Variants in PPP1R37 observed in about 807,000 individuals in gnomAD.
PPP1R37 encodes leucine rich repeat containing 68.
In PPP1R37, 21 loss-of-function variants were observed where a neutral mutation model predicts 61.0. The ratio of observed to expected loss-of-function variants is 0.34; its 90% CI spans 0.24 to 0.50. The LOEUF is 0.50. Among genes scored for constraint, PPP1R37 ranks in the 20% least tolerant of loss-of-function variants. The pLI, the probability that PPP1R37 is intolerant of heterozygous loss-of-function variation, is 0.98. For missense variants in PPP1R37, 910 were observed against 952.7 expected (o/e 0.96, Z 0.59); for synonymous variants, 443 against 433.5 (o/e 1.02, Z -0.27).
chr19:45,139,347 T>C (rs1256129622), intron 2 of PPP1R37, among the ~76,000 whole-genome samples: 1 of 152,214 alleles, frequency 6.6e-6, no homozygotes, highest in African/African-American at 2.4e-5. Flanking sequence ...GGAACCCCCG[T>C]TGTTGGCCAC....
At chr19:45,134,112 T>C (rs1196474048) in intron 1 of PPP1R37, among the ~76,000 whole-genome samples, 1 of 152,334 alleles carries the variant, frequency 6.6e-6, no homozygotes, top group South Asian at 2.1e-4. Context: ...CTGCTCTCCC[T>C]GCAACTTTGG....
In PPP1R37 at chr19:45,145,833, C is replaced by G. The variant is rs1422080727; in HGVS notation, c.1777C>G (p.Pro593Ala). The change falls in exon 11 of 13, where the codon CCA (proline) becomes GCA (alanine). Residue 593 changes from proline (P) to alanine (A), a missense_variant. Pro to Ala is a conservative substitution (Grantham distance 27). This residue lies in a region of PPP1R37 where 549 missense variants were observed against 505.1 expected (regional missense o/e 1.09). Transcript: ENST00000221462. ...PPASPTPPSPPPPPSPPASPS... is the reference protein window; with the variant it reads ...PPASPTPPSPAPPPSPPASPS... Reference sequence around the variant, plus strand: ...TGCGTCCCCCACCCCTCCCTCTCCCCCACCCCCTCCCTCCCCACCCGCCTC... The same window carrying G: ...TGCGTCCCCCACCCCTCCCTCTCCCGCACCCCCTCCCTCCCCACCCGCCTC... The G allele has an allele frequency of 1.6e-6, 2 of 1,237,866 alleles. No homozygotes were observed. The highest frequency in any genetic ancestry group is 5.1e-5 in the East Asian group (2 of 39,202). 76.7% of individuals were successfully genotyped at this position (1,237,866 alleles called of 1,614,324 possible).
At chr19:45,132,039 A>T (rs968351433) in intron 1 of PPP1R37, among the ~76,000 whole-genome samples, 1 of 152,190 alleles carries the variant, frequency 6.6e-6, no homozygotes, top group Admixed American at 6.5e-5. Context: ...ATCCATCCCC[A>T]ACACATGCCT....
chr19:45,111,845 G>A (rs1968205132), intron 1 of PPP1R37, among the ~76,000 whole-genome samples: 1 of 152,220 alleles, frequency 6.6e-6, no homozygotes, highest in African/African-American at 2.4e-5. Flanking sequence ...TCATCAGGTG[G>A]CCTTTTTAAA....
rs1338352761 is a variant in PPP1R37, at chr19:45,130,954, T to C, written c.203-7560T>C. ...CCCCAGCCCGCACAGTGTTGCTTCCTGGTGTTTTGACTCCCACTTGGATGA... is the reference window on the plus strand; with the variant it reads ...CCCCAGCCCGCACAGTGTTGCTTCCCGGTGTTTTGACTCCCACTTGGATGA... On this transcript the variant is annotated intron_variant, in intron 1 of 12. Transcript: ENST00000221462. This position sits in a 1 kb window ranked among gnomAD's most constrained non-coding sequence, Gnocchi z 4.4. Among the ~76,000 whole-genome samples, 2 of 152,088 alleles carry C rather than the reference T, an allele frequency of 1.3e-5. No individual in the cohort carries two copies. Among genetic ancestry groups the C allele is most frequent in the Non-Finnish European group, 2.9e-5 (2 of 68,010 alleles).
At chr19:45,145,283 G>A (rs1249015115) in intron 10 of PPP1R37, 23 bp downstream of exon 10, 1 of 1,525,280 alleles carries the variant, frequency 6.6e-7, no homozygotes, top group South Asian at 1.2e-5. Flanking sequence ...CGGTCCTGCA[G>A]CCCTGGGGCG....
At position 45,145,226 on chromosome 19, in the gene PPP1R37, G is replaced by T. The variant is rs1331082865; in HGVS notation, c.1262G>T (p.Arg421Leu). Reference protein sequence around the residue: ...LALKVNHSLLRLDLDREPKKE... With the variant: ...LALKVNHSLLLLDLDREPKKE... ...CTCAAGGTGAACCACTCACTGCTGCGCCTGGACCTCGACCGTGAACCCAAG... is the reference window on the plus strand; with the variant it reads ...CTCAAGGTGAACCACTCACTGCTGCTCCTGGACCTCGACCGTGAACCCAAG... The change falls in exon 10 of 13, where the codon CGC becomes CTC. Residue 421 changes from arginine to leucine, a missense_variant. This residue lies in a region of PPP1R37 where 549 missense variants were observed against 505.1 expected (regional missense o/e 1.09). Coordinates refer to ENST00000221462, the MANE Select transcript of PPP1R37 (RefSeq NM_019121.2). 7 of 1,534,672 alleles carry T rather than the reference G, an allele frequency of 4.6e-6. No individual in the cohort carries two copies. The highest frequency in any genetic ancestry group is 1.4e-5 in the African/African-American group (1 of 72,972).
At chr19:45,095,233 G>A (rs1967977752) in intron 1 of PPP1R37, among the ~76,000 whole-genome samples, 1 of 152,072 alleles carries the variant, frequency 6.6e-6, no homozygotes, top group Non-Finnish European at 1.5e-5. Flanking sequence ...TGTCGCCCAG[G>A]CCAATTCTCC....
At chr19:45,116,744 C>T (rs765541283) in intron 1 of PPP1R37, among the ~76,000 whole-genome samples, 1 of 152,140 alleles carries the variant, frequency 6.6e-6, no homozygotes, top group Non-Finnish European at 1.5e-5. Context: ...AGTGACGTCC[C>T]TAGACTCAGG....
chr19:45,097,170 GA>G (rs1968003378), intron 1 of PPP1R37, among the ~76,000 whole-genome samples: 1 of 151,966 alleles, frequency 6.6e-6, no homozygotes, highest in Admixed American at 6.6e-5. Context: ...GGACTGCAGG[GA>G]GGGGTTGCTT....
chr19:45,116,694 T>G (rs753107563), intron 1 of PPP1R37, among the ~76,000 whole-genome samples: 1 of 152,108 alleles, frequency 6.6e-6, no homozygotes, highest in South Asian at 2.1e-4. Context: ...AGTGAGTCGG[T>G]GCATTCGTTC....
Position 45,145,822 on chromosome 19 carries a change from CTCCCT to C in PPP1R37, c.1767_1771del (p.Pro590SerfsTer20). 1 of 1,418,828 alleles carries C rather than the reference CTCCCT, an allele frequency of 7.0e-7. No individual in the cohort carries two copies. The highest frequency in any genetic ancestry group is 9.3e-7 in the Non-Finnish European group (1 of 1,078,550). The allele number at this position is 1,418,828 out of a possible 1,614,324, so 87.9% of individuals were successfully genotyped here. A position where few individuals can be genotyped will look rare whatever the true frequency, so the allele number is the denominator to read the frequency against. On this transcript the variant is annotated frameshift_variant, in exon 11 of 13. Coordinates refer to ENST00000221462, the MANE Select transcript of PPP1R37 (RefSeq NM_019121.2). LOFTEE classifies it high-confidence loss of function. ...GCAGAGCCCCCTGCGTCCCCCACCC[CTCCCT>C]CTCCCCCACCCCCTCCCTCCCCACC...
chr19:45,106,745 G>T (rs1388635891), intron 1 of PPP1R37, among the ~76,000 whole-genome samples: 1 of 151,368 alleles, frequency 6.6e-6, no homozygotes, highest in Non-Finnish European at 1.5e-5. Flanking sequence ...ATTTGCACCG[G>T]GTTGCTCAGG....
rs1249950830 is a variant in PPP1R37, at chr19:45,130,852, A to G, written c.203-7662A>G. Among the ~76,000 whole-genome samples, 1 of 151,916 alleles carries G rather than the reference A, an allele frequency of 6.6e-6. No individual in the cohort carries two copies. Among genetic ancestry groups the G allele is most frequent in the African/African-American group, 2.4e-5 (1 of 41,334 alleles). On this transcript the variant is annotated intron_variant, in intron 1 of 12. Coordinates refer to ENST00000221462, the MANE Select transcript of PPP1R37 (RefSeq NM_019121.2). The surrounding 1 kb of genome is among the most constrained non-coding windows in gnomAD (Gnocchi z 4.4). Reference sequence around the variant, plus strand: ...CATGGTTGTTACGGAGCAGCCCTAAATATTCCTGCTCCAGGCTTGTCTGGA... The same window carrying G: ...CATGGTTGTTACGGAGCAGCCCTAAGTATTCCTGCTCCAGGCTTGTCTGGA...
chr19:45,145,457 G>C lies in PPP1R37; in HGVS notation c.1401G>C (p.Pro467=), dbSNP rs771075740. ...LAREREEKEQ[P]PQLSASMPET... is the part of the protein sequence containing the mutation. ...GGGAGAGGGAGGAGAAGGAGCAGCC[G>C]CCACAGCTGTCGGCCTCCATGCCTG... is the stretch of plus-strand genomic sequence containing the variant. Residue 467 remains proline (P), a synonymous_variant, in exon 11 of 13, where the codon CCG becomes CCC. Coordinates refer to ENST00000221462, the MANE Select transcript of PPP1R37 (RefSeq NM_019121.2). The C allele has an allele frequency of 6.5e-7, 1 of 1,535,008 alleles. No homozygotes were observed. Among genetic ancestry groups the C allele is most frequent in the South Asian group, 1.2e-5 (1 of 84,048 alleles).
intron 1 of PPP1R37, among the ~76,000 whole-genome samples, chr19:45,110,771 A>C (rs1007770337): frequency 6.6e-6 from 1 of 152,226 alleles, no homozygotes; most frequent in African/African-American, 2.4e-5. Context: ...AGAAATTCCA[A>C]GCACCTGGTT....
At chr19:45,144,457 T>C (rs986727925) in intron 8 of PPP1R37, 3 of 190,432 alleles carry the variant, frequency 1.6e-5, no homozygotes, top group Non-Finnish European at 2.1e-5. Flanking sequence ...TTTCAGTTTT[T>C]ATGTGGTGCT....
chr19:45,111,663 C>T (rs1324186927), intron 1 of PPP1R37, among the ~76,000 whole-genome samples: 2 of 152,178 alleles, frequency 1.3e-5, no homozygotes, highest in Non-Finnish European at 2.9e-5. Flanking sequence ...GAGCCTCCCT[C>T]CTAATTTCAG....
Position 45,100,638 on chromosome 19 carries a change from C to T in PPP1R37, c.202+7111C>T, listed in dbSNP as rs147733185. ...CTGCGCAGTAATAACCCCTGTGCGG[C>T]GGCTGAGTGCTTGGACGCATTCGGT... On this transcript the variant is annotated intron_variant, in intron 1 of 12. Coordinates refer to ENST00000221462, the MANE Select transcript of PPP1R37 (RefSeq NM_019121.2). 2.3e-3 allele frequency among the ~76,000 whole-genome samples: 355 copies of T among 152,340 alleles called. 2 individuals are homozygous for T. Among genetic ancestry groups the T allele is most frequent in the African/African-American group, 7.5e-3 (311 of 41,572 alleles).
Sources: gnomAD v4.1 joint callset for allele counts (sites outside exome capture counted in the v4.1 genomes callset) on GRCh38, gnomAD v4.1.1 for gene constraint, gnomAD v4.1.1 regional missense constraint, Gnocchi (gnomAD v3.1) non-coding constraint, MANE v1.5 for transcripts, NCBI Gene and HGNC (gene_info 2026-07-23, HGNC 2026-07-21) for gene names.